TMPRSS13: variants seen among roughly 807,000 people sequenced by gnomAD.
TMPRSS13 encodes transmembrane serine protease 13, also known as transmembrane protease serine 13.
In TMPRSS13, 50 loss-of-function variants were observed where a neutral mutation model predicts 68.4. The observed-to-expected ratio is 0.73, with a 90% CI of 0.58 to 0.93. TMPRSS13 has a LOEUF of 0.93. Ranked by LOEUF, TMPRSS13 falls within the 40% of genes least tolerant of loss-of-function variation. The pLI, the probability that TMPRSS13 is intolerant of heterozygous loss-of-function variation, is 0.00. For missense variants in TMPRSS13, 615 were observed against 729.2 expected (o/e 0.84, Z 1.80); for synonymous variants, 267 against 285.8 (o/e 0.93, Z 0.66).
intron 1 of TMPRSS13, among the ~76,000 whole-genome samples, chr11:117,924,627 C>T (rs2057684973): frequency 6.6e-6 from 1 of 150,554 alleles, no homozygotes; most frequent in Non-Finnish European, 1.5e-5. Flanking sequence ...TGTTGGGAAC[C>T]TGGGGAGCCC....
chr11:117,905,814 ACT>A, intron 9 of TMPRSS13, 78 bp from the exon 10 acceptor site: 5 of 1,092,186 alleles, frequency 4.6e-6, no homozygotes, highest in Non-Finnish European at 6.7e-6. Context: ...GAGCACAACC[ACT>A]CTGGGGGCAA....
Position 117,917,291 on chromosome 11 carries a change from A to G in TMPRSS13, c.452-17T>C. 1 of 1,602,362 alleles carries G rather than the reference A, an allele frequency of 6.2e-7. No homozygotes were observed. The highest frequency in any genetic ancestry group is 8.5e-7 in the Non-Finnish European group (1 of 1,173,666). On this transcript the variant is annotated splice_polypyrimidine_tract_variant and intron_variant, in intron 2 of 12. Coordinates refer to ENST00000524993, the MANE Select transcript of TMPRSS13 (RefSeq NM_001077263.3). ...GGCTCGTACCTAGGAGCAGGGCGGC[A>G]GCAGGGGAATATGAGGCTGGAGAGG...
At position 117,918,498 on chromosome 11, in the gene TMPRSS13, A is replaced by C; in HGVS notation, c.362T>G (p.Leu121Arg). ...AGCCCCCACTGGTGTTGCTCTAACA[A>C]GGTACACTCTGGTTGGGGAGGTTGT... ...SVTTSPTRVY[L>R]VRATPVGAVP... Residue 121 changes from leucine (L) to arginine (R), a missense_variant, in exon 2 of 13, where the codon CTT becomes CGT. Physicochemically the swap from Leu to Arg is moderately radical, Grantham distance 102. Transcript: ENST00000524993. 1 of 1,614,202 alleles carries C rather than the reference A, an allele frequency of 6.2e-7. No individual in the cohort carries two copies. Among genetic ancestry groups the C allele is most frequent in the Non-Finnish European group, 8.5e-7 (1 of 1,180,020 alleles).
chr11:117,916,308 C>T (rs1190642359), intron 3 of TMPRSS13, among the ~76,000 whole-genome samples: 3 of 152,216 alleles, frequency 2.0e-5, no homozygotes, highest in Admixed American at 6.5e-5. Context: ...CCTGGTTTCC[C>T]ACATTTTCTG....
intron 6 of TMPRSS13, among the ~76,000 whole-genome samples, chr11:117,910,994 T>G (rs1050993805): frequency 6.6e-6 from 1 of 152,246 alleles, no homozygotes; most frequent in Admixed American, 6.5e-5. Flanking sequence ...AGTTTCCTTG[T>G]GGCACATTGC....
At chr11:117,925,508 T>C (rs1199692241) in intron 1 of TMPRSS13, among the ~76,000 whole-genome samples, 2 of 152,220 alleles carry the variant, frequency 1.3e-5, no homozygotes, top group Non-Finnish European at 2.9e-5. Flanking sequence ...GCCTCAATGT[T>C]TCCCTGTGTC....
At position 117,915,783 on chromosome 11, in the gene TMPRSS13, C is replaced by T. The variant is rs10458983; in HGVS notation, c.557-1269G>A. Among the ~76,000 whole-genome samples the T allele has an allele frequency of 2.0e-5, 3 of 152,346 alleles. No individual in the cohort carries two copies. The highest frequency in any genetic ancestry group is 1.9e-4 in the East Asian group (1 of 5,186). On this transcript the variant is annotated intron_variant, in intron 3 of 12. Coordinates refer to ENST00000524993, the MANE Select transcript of TMPRSS13 (RefSeq NM_001077263.3). The surrounding 1 kb of genome is among the most constrained non-coding windows in gnomAD (Gnocchi z 4.9). ...TTTAGTTCTATTCTGTGAGCCCACC[C>T]GTGGGTGCCATCTCGCCCCTCCATG...
chr11:117,927,886 C>T (rs550532945), intron 1 of TMPRSS13, among the ~76,000 whole-genome samples: 3 of 152,302 alleles, frequency 2.0e-5, no homozygotes, highest in Admixed American at 1.3e-4. Flanking sequence ...ATATTTGACA[C>T]TTAATTCATA....
chr11:117,922,582 C>T lies in TMPRSS13; in HGVS notation c.22-3744G>A, dbSNP rs1326859563. ...AAGGGGCAGAACCAGGACCAGAACC[C>T]AAGCTTCCCAAATCCTGGCCTTTGG... On this transcript the variant is annotated intron_variant, in intron 1 of 12. Transcript: ENST00000524993. This position sits in a 1 kb window ranked among gnomAD's most constrained non-coding sequence, Gnocchi z 4.2. Among the ~76,000 whole-genome samples, 1 of 152,158 alleles carries T rather than the reference C, an allele frequency of 6.6e-6. No homozygotes were observed. Among genetic ancestry groups the T allele is most frequent in the African/African-American group, 2.4e-5 (1 of 41,442 alleles).
intron 2 of TMPRSS13, 99 bp downstream of exon 2, chr11:117,918,310 T>G: frequency 8.9e-5 from 114 of 1,285,504 alleles, no homozygotes; most frequent in Non-Finnish European, 1.1e-4. Flanking sequence ...CCCCGCATCG[T>G]TGTCTGCTAT....
At chr11:117,906,952 C>A (rs2057469555) in intron 9 of TMPRSS13, among the ~76,000 whole-genome samples, 1 of 152,182 alleles carries the variant, frequency 6.6e-6, no homozygotes, top group South Asian at 2.1e-4. Flanking sequence ...CACAGGACTA[C>A]ATACATCTGA....
chr11:117,915,221 C>T lies in TMPRSS13; in HGVS notation c.557-707G>A, dbSNP rs538259318. On this transcript the variant is annotated intron_variant, in intron 3 of 12. Transcript: ENST00000524993. The surrounding 1 kb of genome is among the most constrained non-coding windows in gnomAD (Gnocchi z 4.9). Reference sequence around the variant, plus strand: ...ATCTGCTTCACGACTTCCTCCCTCTCTAACAGCAATCTCTTTCCAAACCAG... The same window carrying T: ...ATCTGCTTCACGACTTCCTCCCTCTTTAACAGCAATCTCTTTCCAAACCAG... 9.2e-5 allele frequency among the ~76,000 whole-genome samples: 14 copies of T among 152,326 alleles called. No homozygotes were observed. In the East Asian group the frequency reaches 9.6e-4, roughly 10 times the overall value.
In TMPRSS13 at chr11:117,915,784, G is replaced by A. The variant is rs1292921455; in HGVS notation, c.557-1270C>T. On this transcript the variant is annotated intron_variant, in intron 3 of 12. Transcript: ENST00000524993. This position sits in a 1 kb window ranked among gnomAD's most constrained non-coding sequence, Gnocchi z 4.9. ...TTAGTTCTATTCTGTGAGCCCACCCGTGGGTGCCATCTCGCCCCTCCATGG... is the reference window on the plus strand; with the variant it reads ...TTAGTTCTATTCTGTGAGCCCACCCATGGGTGCCATCTCGCCCCTCCATGG... Among the ~76,000 whole-genome samples, 1 of 152,198 alleles carries A rather than the reference G, an allele frequency of 6.6e-6. No homozygotes were observed. Among genetic ancestry groups the A allele is most frequent in the Non-Finnish European group, 1.5e-5 (1 of 68,036 alleles).
intron 3 of TMPRSS13, 101 bp downstream of exon 3, chr11:117,917,069 G>A (rs1459301861): frequency 1.1e-6 from 1 of 940,206 alleles, no homozygotes; most frequent in East Asian, 2.6e-5. Context: ...CCGGGTGAGT[G>A]GGTGCTCCCC....
At position 117,929,374 on chromosome 11, in the gene TMPRSS13, G is replaced by C. The variant is rs932337469; in HGVS notation, c.-67C>G. On this transcript the variant is annotated 5_prime_UTR_variant, in exon 1 of 13. Coordinates refer to ENST00000524993, the MANE Select transcript of TMPRSS13 (RefSeq NM_001077263.3). ...AGGAGAAGATCCATCTTGGTCCCTG[G>C]CTTCTCAGGCATGTAGGGTAAAGGA... The C allele has an allele frequency of 3.4e-6, 5 of 1,488,728 alleles. No homozygotes were observed. In the African/African-American group the frequency reaches 7.0e-5, roughly 21 times the overall value. 92.2% of individuals were successfully genotyped at this position (1,488,728 alleles called of 1,614,324 possible).
rs1412119318 is a variant in TMPRSS13 at position 117,901,338 on chromosome 11, T to A, written c.*901A>T. The stretch of plus-strand genomic sequence containing the variant: ...CTTGCCAGCCCAAACAAGGATTTGC[T>A]TCCCTGAGTATCTCCTAGGGGCTCC... On this transcript the variant is annotated 3_prime_UTR_variant, in exon 13 of 13. Transcript: ENST00000524993. The A allele has an allele frequency of 6.6e-6, 1 of 152,598 alleles. No homozygotes were observed. Among genetic ancestry groups the A allele is most frequent in the Non-Finnish European group, 1.5e-5 (1 of 68,044 alleles). The allele number at this position is 152,598 out of a possible 1,614,324, so 9.5% of individuals were successfully genotyped here.
Position 117,929,389 on chromosome 11 carries a change from A to G in TMPRSS13, c.-82T>C. The G allele has an allele frequency of 7.2e-7, 1 of 1,386,052 alleles. No individual in the cohort carries two copies. The highest frequency in any genetic ancestry group is 9.9e-7 in the Non-Finnish European group (1 of 1,006,822). 85.9% of individuals were successfully genotyped at this position (1,386,052 alleles called of 1,614,324 possible). On this transcript the variant is annotated 5_prime_UTR_variant, in exon 1 of 13. Transcript: ENST00000524993. ...TTGGTCCCTGGCTTCTCAGGCATGT[A>G]GGGTAAAGGAGTTGGAGGGCCAAGG...
chr11:117,904,101 T>C lies in TMPRSS13; in HGVS notation c.1382A>G (p.Asp461Gly), dbSNP rs1238270440. 1 of 1,613,770 alleles carries C rather than the reference T, an allele frequency of 6.2e-7. No individual in the cohort carries two copies. The highest frequency in any genetic ancestry group is 1.7e-5 in the Admixed American group (1 of 59,994). Residue 461 changes from aspartate to glycine, a missense_variant and splice_region_variant, in exon 11 of 13, where the codon GAC (aspartate) becomes GGC (glycine). Physicochemically the swap from Asp to Gly is moderately conservative, Grantham distance 94. Coordinates refer to ENST00000524993, the MANE Select transcript of TMPRSS13 (RefSeq NM_001077263.3). ...CTCCCGGAGGAAGGGGGATGTCTTG[T>C]CTTCAGTGAAGTGGGGTGGAGGAGA... Reference protein sequence around the residue: ...TGFGKTRETDDKTSPFLREVQ... With the variant: ...TGFGKTRETDGKTSPFLREVQ...
In TMPRSS13 at chr11:117,908,818, C is replaced by T. The variant is rs762719919; in HGVS notation, c.1110-34G>A. 3.2e-6 allele frequency: 5 copies of T among 1,553,452 alleles called. No individual in the cohort carries two copies. In the African/African-American group the frequency reaches 6.7e-5, roughly 21 times the overall value. ...GCCACAAAGGAGCGTGGTCCAGTAC[C>T]TGCCTGGCAGCGTTCACTGGCAGCC... On this transcript the variant is annotated intron_variant, in intron 8 of 12. Coordinates refer to ENST00000524993, the MANE Select transcript of TMPRSS13 (RefSeq NM_001077263.3).
Sources: allele counts gnomAD v4.1 joint callset (sites outside exome capture counted in the v4.1 genomes callset), GRCh38; gene constraint gnomAD v4.1.1; non-coding constraint Gnocchi (gnomAD v3.1); transcripts MANE v1.5; gene names NCBI Gene and HGNC (gene_info 2026-07-23, HGNC 2026-07-21).